NRCAM: variants seen among roughly 807,000 people sequenced by gnomAD.
NRCAM encodes the protein NgCAM-related cell adhesion molecule.
In NRCAM, 83 loss-of-function variants were observed where a neutral mutation model predicts 156.5. The ratio of observed to expected loss-of-function variants is 0.53; its 90% CI spans 0.44 to 0.64. NRCAM has a LOEUF of 0.64. Among genes scored for constraint, NRCAM ranks in the 30% least tolerant of loss-of-function variants. NRCAM has a pLI of 0.00. For missense variants in NRCAM, 1,417 were observed against 1,597.3 expected (o/e 0.89, Z 1.92); for synonymous variants, 538 against 563.9 (o/e 0.95, Z 0.65).
At chr7:108,215,979 T>G (rs1394547444) in intron 11 of NRCAM, among the ~76,000 whole-genome samples, 1 of 152,170 alleles carries the variant, frequency 6.6e-6, no homozygotes, top group Non-Finnish European at 1.5e-5. Flanking sequence ...ATTCTGCGCG[T>G]TAGTTGATGC....
chr7:108,272,390 A>C (rs1202165225), intron 3 of NRCAM, among the ~76,000 whole-genome samples: 1 of 152,200 alleles, frequency 6.6e-6, no homozygotes, highest in Admixed American at 6.5e-5. Flanking sequence ...ACACACTCCT[A>C]AAGTAGGGGT....
chr7:108,381,990 A>G (rs1314693483), intron 2 of NRCAM, among the ~76,000 whole-genome samples: 3 of 152,334 alleles, frequency 2.0e-5, no homozygotes, highest in South Asian at 2.1e-4. Flanking sequence ...TTATGCAACA[A>G]TCAATAAATA....
At chr7:108,256,834 G>A (rs570053318) in intron 3 of NRCAM, among the ~76,000 whole-genome samples, 36 of 151,954 alleles carry the variant, frequency 2.4e-4, no homozygotes, top group South Asian at 1.7e-3. Context: ...TGGCCAACAC[G>A]GCAGAACCCA....
intron 3 of NRCAM, among the ~76,000 whole-genome samples, chr7:108,250,322 A>G (rs947938238): frequency 6.8e-6 from 1 of 146,570 alleles, no homozygotes; most frequent in Non-Finnish European, 1.5e-5. Context: ...ACTACGCAGG[A>G]GGCTGAGGTG....
intron 1 of NRCAM, among the ~76,000 whole-genome samples, chr7:108,446,522 G>C (rs1844365550): frequency 1.3e-5 from 2 of 152,180 alleles, no homozygotes; most frequent in Admixed American, 1.3e-4. Flanking sequence ...GTGAAGAGCA[G>C]CTCAGGCTCC....
At chr7:108,379,445 T>G (rs1358926010) in intron 2 of NRCAM, among the ~76,000 whole-genome samples, 1 of 152,120 alleles carries the variant, frequency 6.6e-6, no homozygotes, top group Non-Finnish European at 1.5e-5. Context: ...AGGCAGAAAG[T>G]AGAATGGCGA....
chr7:108,410,775 G>A (rs1476268001), intron 1 of NRCAM, among the ~76,000 whole-genome samples: 1 of 151,996 alleles, frequency 6.6e-6, no homozygotes, highest in Non-Finnish European at 1.5e-5. Flanking sequence ...AGTGGAGGAA[G>A]TGGTCCAGCA....
At chr7:108,250,619 T>A (rs144128068) in intron 3 of NRCAM, among the ~76,000 whole-genome samples, 4 of 150,996 alleles carry the variant, frequency 2.6e-5, no homozygotes, top group Non-Finnish European at 5.9e-5. Flanking sequence ...GGGAGGGTGG[T>A]TGGGGTGGAA....
intron 3 of NRCAM, among the ~76,000 whole-genome samples, chr7:108,303,388 C>T (rs187204915): frequency 3.8e-4 from 58 of 152,292 alleles, no homozygotes; most frequent in African/African-American, 1.4e-3. Context: ...ACCGTCTCCT[C>T]TTCAGCCCCT....
chr7:108,227,520 CCA>C (rs945023980), intron 8 of NRCAM, among the ~76,000 whole-genome samples: 1 of 152,108 alleles, frequency 6.6e-6, no homozygotes, highest in African/African-American at 2.4e-5. Flanking sequence ...TTACTGTTAC[CCA>C]CAGTCACCCT....
At chr7:108,257,047 G>C (rs1339401022) in intron 3 of NRCAM, among the ~76,000 whole-genome samples, 2 of 138,552 alleles carry the variant, frequency 1.4e-5, no homozygotes, top group African/African-American at 5.2e-5. Flanking sequence ...AGAAAAGAAG[G>C]AAGGGAGGGA....
At chr7:108,219,854 A>G (rs1178530542) in intron 11 of NRCAM, among the ~76,000 whole-genome samples, 1 of 152,194 alleles carries the variant, frequency 6.6e-6, no homozygotes, top group Non-Finnish European at 1.5e-5. Flanking sequence ...TAGCCAGAGC[A>G]ATCAGACAAG....
intron 23 of NRCAM, 86 bp from the exon 24 acceptor site, chr7:108,182,023 T>C (rs561144310): frequency 1.3e-5 from 13 of 1,009,770 alleles, no homozygotes; most frequent in Middle Eastern, 2.1e-4. Flanking sequence ...TAATTTTGGC[T>C]TGAAGCATAC....
intron 2 of NRCAM, among the ~76,000 whole-genome samples, chr7:108,387,316 C>A (rs1449443198): frequency 1.3e-5 from 2 of 152,026 alleles, no homozygotes; most frequent in Non-Finnish European, 2.9e-5. Context: ...TTTTATTAAC[C>A]TCCATATTCT....
chr7:108,210,863 A>G (rs1189822177), intron 11 of NRCAM, among the ~76,000 whole-genome samples: 1 of 152,182 alleles, frequency 6.6e-6, no homozygotes, highest in Non-Finnish European at 1.5e-5. Context: ...AGATAACAAT[A>G]TTTGTCAATA....
intron 1 of NRCAM, among the ~76,000 whole-genome samples, chr7:108,428,705 G>A (rs1025630220): frequency 1.3e-5 from 2 of 152,136 alleles, no homozygotes; most frequent in Non-Finnish European, 2.9e-5. Context: ...GCTTTATGAA[G>A]TTCAATAAGT....
intron 1 of NRCAM, among the ~76,000 whole-genome samples, chr7:108,433,363 C>T (rs775847435): frequency 3.3e-5 from 5 of 152,136 alleles, no homozygotes; most frequent in Non-Finnish European, 7.4e-5. Flanking sequence ...CAGGGAATCC[C>T]AGGGTCTCTA....
At chr7:108,230,583 C>A (rs562984267) in intron 8 of NRCAM, among the ~76,000 whole-genome samples, 21 of 152,212 alleles carry the variant, frequency 1.4e-4, no homozygotes, top group African/African-American at 5.1e-4. Flanking sequence ...TTAGTCTGGC[C>A]ACCTTGTCCT....
chr7:108,387,052 T>C (rs1209801635), intron 2 of NRCAM, among the ~76,000 whole-genome samples: 1 of 152,180 alleles, frequency 6.6e-6, no homozygotes, highest in African/African-American at 2.4e-5. Flanking sequence ...TCTTGTTCTA[T>C]CCTCTGAACA....
Sources: gnomAD v4.1 joint callset for allele counts (sites outside exome capture counted in the v4.1 genomes callset) on GRCh38, gnomAD v4.1.1 for gene constraint, MANE v1.5 for transcripts, NCBI Gene and HGNC (gene_info 2026-07-23, HGNC 2026-07-21) for gene names.